The following NAALADL2 variants were observed in gnomAD, a reference collection of about 807,000 sequenced individuals.
NAALADL2 encodes the protein N-acetylated alpha-linked acidic dipeptidase like 2, also known as inactive N-acetylated-alpha-linked acidic dipeptidase-like protein 2.
Under a neutral mutation model 87.2 loss-of-function variants are expected in NAALADL2, and 76 were observed. The ratio of observed to expected loss-of-function variants is 0.87; its 90% CI spans 0.72 to 1.05. The LOEUF (loss-of-function observed/expected upper bound fraction) is 1.05, where lower values mean the gene tolerates loss of function less well. NAALADL2 is among the 50% of genes least tolerant of loss of function. The pLI is 0.00. For missense variants in NAALADL2, 1,089 were observed against 945.8 expected (o/e 1.15, Z -1.99); for synonymous variants, 354 against 331.0 (o/e 1.07, Z -0.75).
chr3:175,596,634 G>A (rs971273312), intron 10 of NAALADL2, among the ~76,000 whole-genome samples: 20 of 151,776 alleles, frequency 1.3e-4, no homozygotes, highest in Non-Finnish European at 2.7e-4. Flanking sequence ...CAGTAACATG[G>A]CAGGTATGTT....
chr3:175,512,733 A>G (rs912268306), intron 9 of NAALADL2, among the ~76,000 whole-genome samples: 2 of 152,174 alleles, frequency 1.3e-5, no homozygotes, highest in Non-Finnish European at 2.9e-5. Flanking sequence ...CAAATGAGAT[A>G]TTATCTGCTG....
At chr3:175,089,724 A>G (rs1022729655) in intron 1 of NAALADL2, among the ~76,000 whole-genome samples, 3 of 152,198 alleles carry the variant, frequency 2.0e-5, no homozygotes, top group Admixed American at 6.5e-5. Context: ...TTCTCAATAC[A>G]GAAATCTGCA....
intron 2 of NAALADL2, among the ~76,000 whole-genome samples, chr3:175,223,013 C>T (rs979249491): frequency 5.3e-5 from 8 of 151,690 alleles, no homozygotes; most frequent in Non-Finnish European, 8.8e-5. Context: ...GGGTACGCAA[C>T]ATAATGATTT....
chr3:175,548,022 A>G (rs1244947598), intron 9 of NAALADL2, among the ~76,000 whole-genome samples: 1 of 152,150 alleles, frequency 6.6e-6, no homozygotes, highest in African/African-American at 2.4e-5. Context: ...AGATAGAAAT[A>G]CCATTCAGCA....
chr3:175,104,844 G>A (rs906385569), intron 2 of NAALADL2, among the ~76,000 whole-genome samples: 1 of 152,084 alleles, frequency 6.6e-6, no homozygotes, highest in East Asian at 1.9e-4. Flanking sequence ...GAATACATAG[G>A]ATAAGATTGA....
At chr3:174,732,021 T>C (rs185448139) in intron 2 of NAALADL2, among the ~76,000 whole-genome samples, 1 of 152,222 alleles carries the variant, frequency 6.6e-6, no homozygotes, top group East Asian at 1.9e-4. Flanking sequence ...CCCAATGAAA[T>C]TTTACTTATA....
chr3:175,022,329 C>T (rs1460701839), intron 1 of NAALADL2, among the ~76,000 whole-genome samples: 2 of 151,888 alleles, frequency 1.3e-5, no homozygotes, highest in Non-Finnish European at 2.9e-5. Context: ...ATTGCTGGGT[C>T]CGGGGCTCTG....
intron 2 of NAALADL2, among the ~76,000 whole-genome samples, chr3:175,189,603 G>T (rs1737843453): frequency 6.6e-6 from 1 of 152,040 alleles, no homozygotes; most frequent in Non-Finnish European, 1.5e-5. Context: ...CCATGTTTTT[G>T]GATCAGAAAA....
At chr3:175,162,767 T>A (rs892550038) in intron 2 of NAALADL2, among the ~76,000 whole-genome samples, 2 of 152,164 alleles carry the variant, frequency 1.3e-5, no homozygotes, top group African/African-American at 2.4e-5. Context: ...TGAAATTTGT[T>A]TGTTCATATT....
Position 175,324,317 on chromosome 3 carries a change from C to G in NAALADL2, c.1082C>G (p.Pro361Arg). 6.2e-7 allele frequency: 1 copy of G among 1,609,630 alleles called. No homozygotes were observed. The highest frequency in any genetic ancestry group is 8.5e-7 in the Non-Finnish European group (1 of 1,178,328). The stretch of plus-strand genomic sequence containing the variant: ...GGAGACCCTTCTACGCCTGGTTACC[C>G]AAGTGTCGGTAAGTTTGTTGGTCAT... Reference protein sequence around the residue: ...PGGDPSTPGYPSVDESFRQSR... With the variant: ...PGGDPSTPGYRSVDESFRQSR... The change falls in exon 5 of 14, where the codon CCA becomes CGA. Residue 361 changes from proline to arginine, a missense_variant. Coordinates refer to ENST00000454872, the MANE Select transcript of NAALADL2 (RefSeq NM_207015.3).
intron 3 of NAALADL2, among the ~76,000 whole-genome samples, chr3:174,779,490 T>A (rs578147650): frequency 6.6e-6 from 1 of 152,352 alleles, no homozygotes; most frequent in African/African-American, 2.4e-5. Context: ...TAGATCCCAT[T>A]TGTCAATTTT....
chr3:174,649,740 G>A (rs1240356444), intron 2 of NAALADL2, among the ~76,000 whole-genome samples: 2 of 152,226 alleles, frequency 1.3e-5, no homozygotes, highest in East Asian at 3.9e-4. Flanking sequence ...CAGATGAATG[G>A]AATATAACCT....
chr3:174,477,421 C>T (rs1416912009), intron 1 of NAALADL2, among the ~76,000 whole-genome samples: 1 of 152,098 alleles, frequency 6.6e-6, no homozygotes, highest in Admixed American at 6.6e-5. Flanking sequence ...ATATGCATCC[C>T]AGTGGAGCTT....
chr3:174,925,085 T>G (rs1735798633), intron 1 of NAALADL2, among the ~76,000 whole-genome samples: 1 of 152,180 alleles, frequency 6.6e-6, no homozygotes, highest in African/African-American at 2.4e-5. Context: ...TTAGATCCCA[T>G]TTGTCAATTT....
At chr3:175,080,214 C>T (rs1717525822) in intron 1 of NAALADL2, among the ~76,000 whole-genome samples, 1 of 152,188 alleles carries the variant, frequency 6.6e-6, no homozygotes, top group Non-Finnish European at 1.5e-5. Flanking sequence ...ATCCACGCAC[C>T]TCGGCCTCCC....
At chr3:175,442,544 G>T (rs1199500635) in intron 5 of NAALADL2, among the ~76,000 whole-genome samples, 1 of 152,058 alleles carries the variant, frequency 6.6e-6, no homozygotes, top group Non-Finnish European at 1.5e-5. Flanking sequence ...GTGTCACCTT[G>T]GTAGAGATGA....
chr3:174,902,432 T>A (rs1732427615), intron 1 of NAALADL2, among the ~76,000 whole-genome samples: 1 of 151,916 alleles, frequency 6.6e-6, no homozygotes, highest in South Asian at 2.1e-4. Flanking sequence ...AATTATTACA[T>A]AAAAGAAAGG....
chr3:175,113,341 CAGAA>C (rs1415470048), intron 2 of NAALADL2, among the ~76,000 whole-genome samples: 2 of 151,406 alleles, frequency 1.3e-5, no homozygotes, highest in South Asian at 2.1e-4. Flanking sequence ...GAGGTGCAGA[CAGAA>C]AGACAGATGC....
intron 4 of NAALADL2, among the ~76,000 whole-genome samples, chr3:175,284,089 A>G (rs987116020): frequency 5.3e-5 from 8 of 152,058 alleles, no homozygotes; most frequent in African/African-American, 1.7e-4. Flanking sequence ...ATATTAGTGT[A>G]GTTTGAAGAA....
Sources: allele counts gnomAD v4.1 joint callset (sites outside exome capture counted in the v4.1 genomes callset), GRCh38; gene constraint gnomAD v4.1.1; transcripts MANE v1.5; gene names NCBI Gene and HGNC (gene_info 2026-07-23, HGNC 2026-07-21).